The following EEFSEC variants were observed in gnomAD, a reference collection of about 807,000 sequenced individuals.
EEFSEC encodes the protein eukaryotic elongation factor, selenocysteine-tRNA specific.
In EEFSEC, 43 loss-of-function variants were observed where a neutral mutation model predicts 42.1. The observed-to-expected ratio is 1.02, with a 90% confidence interval of 0.80 to 1.32. EEFSEC has a LOEUF of 1.32. Among genes scored for constraint, EEFSEC ranks in the 40% most tolerant of loss-of-function variants. EEFSEC has a pLI of 0.00. For missense variants in EEFSEC, 745 were observed against 803.6 expected (o/e 0.93, Z 0.88); for synonymous variants, 354 against 339.1 (o/e 1.04, Z -0.48).
chr3:128,364,465 G>T (rs374525598), intron 6 of EEFSEC, among the ~76,000 whole-genome samples: 67 of 152,312 alleles, frequency 4.4e-4, no homozygotes, highest in African/African-American at 1.6e-3. Context: ...TGTGATGTTC[G>T]CTAGAACCCT....
intron 1 of EEFSEC, among the ~76,000 whole-genome samples, chr3:128,154,326 T>G (rs999706341): frequency 6.6e-6 from 1 of 152,214 alleles, no homozygotes; most frequent in Non-Finnish European, 1.5e-5. Context: ...CTCATCCTTT[T>G]AGACACGATT....
At chr3:128,285,587 C>A (rs2066575522) in intron 4 of EEFSEC, among the ~76,000 whole-genome samples, 1 of 152,128 alleles carries the variant, frequency 6.6e-6, no homozygotes, top group Non-Finnish European at 1.5e-5. Context: ...CCTGCAGGAT[C>A]CTCTGTGTTT....
chr3:128,394,664 G>A (rs1196074665), intron 6 of EEFSEC, among the ~76,000 whole-genome samples: 2 of 152,180 alleles, frequency 1.3e-5, no homozygotes, highest in East Asian at 3.9e-4. Context: ...TCCCTTGGTG[G>A]GGATGGAGCT....
chr3:128,161,231 G>T (rs939413901), intron 1 of EEFSEC, among the ~76,000 whole-genome samples: 2 of 152,150 alleles, frequency 1.3e-5, no homozygotes, highest in Non-Finnish European at 2.9e-5. Flanking sequence ...ATCTTTCAGG[G>T]TTACAACTTC....
chr3:128,333,763 C>A (rs1006649073), intron 4 of EEFSEC, among the ~76,000 whole-genome samples: 3 of 152,166 alleles, frequency 2.0e-5, no homozygotes, highest in African/African-American at 7.2e-5. Context: ...TCAAACTGTT[C>A]CTGCTGGATG....
intron 4 of EEFSEC, among the ~76,000 whole-genome samples, chr3:128,284,910 G>GT (rs34887760): frequency 0.022 from 3,123 of 143,554 alleles, 34 homozygotes; most frequent in Non-Finnish European, 0.028. Flanking sequence ...ATGCTTTAAC[G>GT]TTTTTTTTTT....
chr3:128,190,647 GT>G (rs1454400077), intron 1 of EEFSEC, among the ~76,000 whole-genome samples: 1 of 152,158 alleles, frequency 6.6e-6, no homozygotes, highest in Non-Finnish European at 1.5e-5. Context: ...AGTGTCCATT[GT>G]TTGTAGAGCC....
At chr3:128,236,026 G>T (rs1228673496) in intron 1 of EEFSEC, among the ~76,000 whole-genome samples, 1 of 152,102 alleles carries the variant, frequency 6.6e-6, no homozygotes, top group African/African-American at 2.4e-5. Flanking sequence ...GTTCAGTGGC[G>T]CAATCTCGCC....
At chr3:128,409,800 T>TG, downstream of EEFSEC, among the ~76,000 whole-genome samples, 1 of 152,284 alleles carries the variant, frequency 6.6e-6, no homozygotes, top group South Asian at 2.1e-4. Context: ...CCCTGGGGCC[T>TG]GACCCCACTG....
intron 6 of EEFSEC, among the ~76,000 whole-genome samples, chr3:128,405,041 G>A (rs1207816401): frequency 2.0e-5 from 3 of 146,574 alleles, no homozygotes; most frequent in Non-Finnish European, 4.5e-5. Flanking sequence ...TTTTAAGACT[G>A]AGTCTCGCTC....
chr3:128,351,950 T>C (rs185161799), intron 5 of EEFSEC, among the ~76,000 whole-genome samples: 1 of 152,368 alleles, frequency 6.6e-6, no homozygotes, highest in African/African-American at 2.4e-5. Context: ...AGATCCCACA[T>C]GCGTTGCCTT....
intron 1 of EEFSEC, among the ~76,000 whole-genome samples, chr3:128,210,656 T>G (rs1265162164): frequency 6.6e-6 from 1 of 152,236 alleles, no homozygotes; most frequent in Non-Finnish European, 1.5e-5. Flanking sequence ...CATCTCTGAA[T>G]TTTTTGGAGA....
intron 2 of EEFSEC, among the ~76,000 whole-genome samples, chr3:128,259,688 C>A (rs2999067): frequency 0.84 from 127,832 of 152,200 alleles, 54,160 homozygotes; most frequent in East Asian, 0.99. Flanking sequence ...CTACTAATCT[C>A]CTTTCTGTTT....
intron 5 of EEFSEC, among the ~76,000 whole-genome samples, chr3:128,345,322 T>C (rs2067300295): frequency 6.6e-6 from 1 of 152,228 alleles, no homozygotes. Flanking sequence ...GACTCCATTA[T>C]TTCTCTTTGA....
chr3:128,170,432 C>T (rs1027652074), intron 1 of EEFSEC, among the ~76,000 whole-genome samples: 12 of 120,562 alleles, frequency 1.0e-4, no homozygotes, highest in Non-Finnish European at 1.8e-4. Context: ...CGTGTGTAAT[C>T]CCAGCTACTT....
chr3:128,248,465 T>C (rs2107901953), intron 2 of EEFSEC, among the ~76,000 whole-genome samples: 1 of 152,370 alleles, frequency 6.6e-6, no homozygotes, highest in Middle Eastern at 3.4e-3. Context: ...TTTCTAGCGC[T>C]GCCTTTTGTT....
intron 4 of EEFSEC, among the ~76,000 whole-genome samples, chr3:128,266,009 G>T (rs1308940361): frequency 2.0e-5 from 3 of 152,160 alleles, no homozygotes; most frequent in Non-Finnish European, 4.4e-5. Context: ...AAATCTACAG[G>T]GTAGGCTGGC....
chr3:128,269,282 G>A (rs761875412), intron 4 of EEFSEC, among the ~76,000 whole-genome samples: 10 of 152,254 alleles, frequency 6.6e-5, no homozygotes, highest in Non-Finnish European at 1.5e-4. Context: ...TGGTAGTGGT[G>A]CCTCTACTCC....
In EEFSEC at chr3:128,353,297, A is replaced by G. The variant is rs532908706; in HGVS notation, c.1444-4920A>G. On this transcript the variant is annotated intron_variant, in intron 5 of 6. Coordinates refer to ENST00000254730, the MANE Select transcript of EEFSEC (RefSeq NM_021937.5). ...GGGTAGTTTTCCTCTTGGCCCCTAT[A>G]ACCATAGGTGGGGAAAGTTTAGCCT... 2.0e-5 allele frequency among the ~76,000 whole-genome samples: 3 copies of G among 152,294 alleles called. No individual in the cohort carries two copies. The East Asian group carries it at 5.8e-4, about 29-fold the overall frequency.
Sources: gnomAD v4.1 joint callset for allele counts (sites outside exome capture counted in the v4.1 genomes callset) on GRCh38, gnomAD v4.1.1 for gene constraint, MANE v1.5 for transcripts, NCBI Gene and HGNC (gene_info 2026-07-23, HGNC 2026-07-21) for gene names.